DSC3: variants seen among roughly 807,000 people sequenced by gnomAD.
DSC3 encodes desmocollin 3, also known as desmocollin-3.
In DSC3, 97 loss-of-function variants were observed where a neutral mutation model predicts 89.5. The ratio of observed to expected loss-of-function variants is 1.08; its 90% CI spans 0.92 to 1.28. The LOEUF is 1.28. Ranked by LOEUF, DSC3 falls within the 50% of genes most tolerant of loss-of-function variation. DSC3 has a pLI of 0.00. For synonymous variants in DSC3, 436 were observed against 384.1 expected (o/e 1.14, Z -1.58); for missense variants, 1,199 against 1,085.3 (o/e 1.10, Z -1.47).
chr18:30,996,998 A>T lies in DSC3; in HGVS notation c.2286T>A (p.Gly762=), dbSNP rs1487042597. ...TTCCTGATCCCATAGTACCACAAAAACCTTGGCTAGAGTTGTTGGTAGTTT... is the reference window on the plus strand; with the variant it reads ...TTCCTGATCCCATAGTACCACAAAATCCTTGGCTAGAGTTGTTGGTAGTTT... The part of the protein sequence containing the change: ...MTQTTNNSSQ[G]FCGTMGSGMK... The change falls in exon 15 of 16, where the codon GGT becomes GGA. Residue 762 remains glycine, a synonymous_variant. Transcript: ENST00000360428. 11 of 1,614,096 alleles carry T rather than the reference A, an allele frequency of 6.8e-6. No homozygotes were observed. Among genetic ancestry groups the T allele is most frequent in the Non-Finnish European group, 9.3e-6 (11 of 1,180,022 alleles).
intron 13 of DSC3, among the ~76,000 whole-genome samples, chr18:31,003,249 CCT>C (rs1984726649): frequency 6.6e-6 from 1 of 152,208 alleles, no homozygotes; most frequent in Non-Finnish European, 1.5e-5. Flanking sequence ...TAATTATTTG[CCT>C]CTCTTTTTTT....
rs760744901 is a variant in DSC3 at position 30,992,456 on chromosome 18, A to C, written c.*1719T>G. On this transcript the variant is annotated 3_prime_UTR_variant, in exon 16 of 16. Coordinates refer to ENST00000360428, the MANE Select transcript of DSC3 (RefSeq NM_001941.5). ...TTTCTCACTCCAAATAAGGTGAGCC[A>C]TAGAGAAGAGGTTGGCTGATCCCTC... is the stretch of plus-strand genomic sequence containing the variant. 8 of 152,250 alleles carry C rather than the reference A, an allele frequency of 5.3e-5. No homozygotes were observed. Among genetic ancestry groups the C allele is most frequent in the Non-Finnish European group, 8.8e-5 (6 of 68,080 alleles). 9.4% of individuals were successfully genotyped at this position (152,250 alleles called of 1,614,324 possible). A position where few individuals can be genotyped will look rare whatever the true frequency, so the allele number is the denominator to read the frequency against.
At chr18:31,024,276 A>G in intron 6 of DSC3, 73 bp downstream of exon 6, 1 of 1,417,722 alleles carries the variant, frequency 7.1e-7, no homozygotes, top group South Asian at 1.5e-5. Flanking sequence ...TTGAGTATAA[A>G]AAGCTCTATG....
In DSC3 at chr18:30,989,580, A is replaced by C. The variant is rs1423561907; in HGVS notation, c.*4595T>G. 6.6e-6 allele frequency among the ~76,000 whole-genome samples: 1 copy of C among 152,234 alleles called. No homozygotes were observed. Among genetic ancestry groups the C allele is most frequent in the Admixed American group, 6.5e-5 (1 of 15,282 alleles). On this transcript the variant is annotated 3_prime_UTR_variant, in exon 16 of 16. Transcript: ENST00000360428. ...CTAAAGTCACTGAATTATACACTTT[A>C]AAATGGTGAAAATGATGAATTTTAA...
At chr18:31,027,754 G>C (rs1374957731) in intron 4 of DSC3, among the ~76,000 whole-genome samples, 1 of 152,102 alleles carries the variant, frequency 6.6e-6, no homozygotes, top group African/African-American at 2.4e-5. Context: ...GGTATAGCTA[G>C]CTTGAGGATT....
rs139767413 is a variant in DSC3, at chr18:31,001,849, G to A, written c.2114-110C>T. On this transcript the variant is annotated intron_variant, in intron 13 of 15. Coordinates refer to ENST00000360428, the MANE Select transcript of DSC3 (RefSeq NM_001941.5). ...TCAAAGTGGAAAATAAATCCACTAA[G>A]CATGGTTTCCCATGAATTATCTTGG... is the stretch of plus-strand genomic sequence containing the variant. 415 of 869,226 alleles carry A rather than the reference G, an allele frequency of 4.8e-4. 1 individual carries two copies. In the African/African-American group the frequency reaches 6.4e-3, roughly 13 times the overall value. 53.8% of individuals were successfully genotyped at this position (869,226 alleles called of 1,614,324 possible).
In DSC3 at chr18:30,991,308, G is replaced by C. The variant is rs751546586; in HGVS notation, c.*2867C>G. 1 of 152,508 alleles carries C rather than the reference G, an allele frequency of 6.6e-6. No individual in the cohort carries two copies. Among genetic ancestry groups the C allele is most frequent in the African/African-American group, 2.4e-5 (1 of 41,398 alleles). The allele number at this position is 152,508 out of a possible 1,614,324, so 9.4% of individuals were successfully genotyped here. ...CATAAAAAATTCTAAATCATTCACT[G>C]GGGGAAAAATGAAAGCTTTAAAAAT... On this transcript the variant is annotated 3_prime_UTR_variant, in exon 16 of 16. Coordinates refer to ENST00000360428, the MANE Select transcript of DSC3 (RefSeq NM_001941.5).
chr18:31,024,643 C>A, intron 5 of DSC3, 150 bp from the exon 6 acceptor site: 1 of 833,174 alleles, frequency 1.2e-6, no homozygotes, highest in Non-Finnish European at 1.8e-6. Flanking sequence ...ATCAAAGCAC[C>A]AAATGGAGAA....
chr18:31,006,024 T>C (rs1257462870), intron 12 of DSC3, among the ~76,000 whole-genome samples: 1 of 152,176 alleles, frequency 6.6e-6, no homozygotes, highest in East Asian at 1.9e-4. Flanking sequence ...GATATGGCTA[T>C]ATACACAAAA....
chr18:31,041,118 G>A (rs1167414476), intron 1 of DSC3, among the ~76,000 whole-genome samples: 2 of 152,066 alleles, frequency 1.3e-5, no homozygotes, highest in Non-Finnish European at 2.9e-5. Flanking sequence ...ATGCCTTGCC[G>A]GGAAAGCTCC....
rs527616246 is a variant in DSC3 at position 31,014,193 on chromosome 18, G to A, written c.1263+3878C>T. Reference sequence around the variant, plus strand: ...GTGTGGTCTAAACTTCCATAGATATGGAACTGGTTAAAAAAATATGGTATG... The same window carrying A: ...GTGTGGTCTAAACTTCCATAGATATAGAACTGGTTAAAAAAATATGGTATG... On this transcript the variant is annotated intron_variant, in intron 9 of 15. Transcript: ENST00000360428. 4.0e-5 allele frequency among the ~76,000 whole-genome samples: 6 copies of A among 151,792 alleles called. No homozygotes were observed. The East Asian group carries it at 1.2e-3, about 29-fold the overall frequency.
chr18:31,004,464 G>T, intron 12 of DSC3, 98 bp from the exon 13 acceptor site: 3 of 1,041,656 alleles, frequency 2.9e-6, no homozygotes, highest in South Asian at 1.4e-5. Context: ...CATTCTCAAG[G>T]AACTGCCTGC....
intron 4 of DSC3, among the ~76,000 whole-genome samples, chr18:31,026,815 A>G (rs1985613918): frequency 6.6e-6 from 1 of 152,148 alleles, no homozygotes; most frequent in African/African-American, 2.4e-5. Flanking sequence ...GGTCAGGACA[A>G]GGGAATGTGA....
Position 30,994,015 on chromosome 18 carries a change from A to G in DSC3, c.*160T>C. The G allele has an allele frequency of 5.6e-6, 4 of 720,344 alleles. No individual in the cohort carries two copies. The South Asian group carries it at 7.6e-5, about 14-fold the overall frequency. 44.6% of individuals were successfully genotyped at this position (720,344 alleles called of 1,614,324 possible). A position where few individuals can be genotyped will look rare whatever the true frequency, so the allele number is the denominator to read the frequency against. On this transcript the variant is annotated 3_prime_UTR_variant, in exon 16 of 16. Transcript: ENST00000360428. ...TAACATTTTTCACTTTTTGGAAAAG[A>G]TAAGCAACAACTTGCTTTAAAAATA...
chr18:31,042,700 A>T lies in DSC3; in HGVS notation c.-40T>A, dbSNP rs1480760813. 2 of 1,537,400 alleles carry T rather than the reference A, an allele frequency of 1.3e-6. No homozygotes were observed. The highest frequency in any genetic ancestry group is 2.8e-5 in the African/African-American group (2 of 72,662). ...GGGCCAGGAGAACGCGGGCGCCGGG[A>T]GGGTGCCGAGAGCGAGACCTGCCGA... On this transcript the variant is annotated 5_prime_UTR_variant, in exon 1 of 16. Transcript: ENST00000360428.
Position 30,994,282 on chromosome 18 carries a change from C to T in DSC3, c.2584G>A (p.Gly862Ser). Reference protein sequence around the residue: ...YNYEGRGSPAGSVGCCSEKQE... With the variant: ...YNYEGRGSPASSVGCCSEKQE... ...TTTTCACTGCAGCAGCCCACAGAAC[C>T]AGCTGGAGATCCTCTTCCCTCATAG... Residue 862 changes from glycine to serine, a missense_variant, in exon 16 of 16, where the codon GGT becomes AGT. Gly to Ser is a moderately conservative substitution (Grantham distance 56). Transcript: ENST00000360428. The T allele has an allele frequency of 6.2e-7, 1 of 1,614,126 alleles. No homozygotes were observed. The highest frequency in any genetic ancestry group is 1.1e-5 in the South Asian group (1 of 91,084).
chr18:31,032,263 G>T lies in DSC3; in HGVS notation c.83C>A (p.Ala28Asp), dbSNP rs2852003. ...LLLTLVIFSR[A>D]GEACKKVILN... Reference sequence around the variant, plus strand: ...TATCACCTTTTTGCAGGCTTCACCAGCACGACTGAAGATCTAGAATTTAAA... The same window carrying T: ...TATCACCTTTTTGCAGGCTTCACCATCACGACTGAAGATCTAGAATTTAAA... The change falls in exon 2 of 16, where the codon GCT becomes GAT. Residue 28 changes from alanine to aspartate, a missense_variant. Physicochemically the swap from Ala to Asp is moderately radical, Grantham distance 126 (BLOSUM62 -2). Coordinates refer to ENST00000360428, the MANE Select transcript of DSC3 (RefSeq NM_001941.5). The T allele has an allele frequency of 0.057, 91,751 of 1,609,726 alleles. 3,194 individuals carry two copies. Among genetic ancestry groups the T allele is most frequent in the Non-Finnish European group, 0.063 (73,695 of 1,176,098 alleles).
intron 1 of DSC3, among the ~76,000 whole-genome samples, chr18:31,037,464 A>G (rs958991170): frequency 6.6e-6 from 1 of 152,234 alleles, no homozygotes; most frequent in Non-Finnish European, 1.5e-5. Flanking sequence ...GAACAGAAAC[A>G]CCTGTACTGA....
chr18:31,017,940 T>G, intron 9 of DSC3, 131 bp downstream of exon 9: 2 of 686,814 alleles, frequency 2.9e-6, no homozygotes, highest in Admixed American at 5.9e-5. Context: ...GAGATTGGAA[T>G]AGTGGTTTAA....
Sources: allele counts gnomAD v4.1 joint callset (sites outside exome capture counted in the v4.1 genomes callset), GRCh38; gene constraint gnomAD v4.1.1; transcripts MANE v1.5; gene names NCBI Gene and HGNC (gene_info 2026-07-23, HGNC 2026-07-21).